Variants in SOX6 observed in about 807,000 individuals in gnomAD.
The protein encoded by SOX6 is SRY-box transcription factor 6.
SOX6 carries 11 observed loss-of-function variants against 97.8 expected under a neutral mutation model. That is an observed-to-expected ratio of 0.11 (90% CI 0.07 to 0.19). The LOEUF (loss-of-function observed/expected upper bound fraction) is 0.19, where lower values mean the gene tolerates loss of function less well. Ranked by LOEUF, SOX6 falls within the 10% of genes least tolerant of loss-of-function variation. The pLI, the probability that SOX6 is intolerant of heterozygous loss-of-function variation, is 1.00. For synonymous variants in SOX6, 360 were observed against 371.4 expected (o/e 0.97, Z 0.35); for missense variants, 810 against 1,039.5 (o/e 0.78, Z 3.04).
At chr11:16,282,008 C>T (rs911214017) in intron 3 of SOX6, among the ~76,000 whole-genome samples, 113 of 145,856 alleles carry the variant, frequency 7.7e-4, no homozygotes, top group African/African-American at 2.8e-3. Flanking sequence ...TATATATATA[C>T]ACACACACCC....
chr11:15,982,572 C>G (rs957859986), intron 15 of SOX6, among the ~76,000 whole-genome samples: 1 of 151,944 alleles, frequency 6.6e-6, no homozygotes, highest in Non-Finnish European at 1.5e-5. Flanking sequence ...CTACACACAT[C>G]CCCTATATAC....
chr11:16,052,221 T>A (rs1459129341), intron 10 of SOX6, among the ~76,000 whole-genome samples: 1 of 152,142 alleles, frequency 6.6e-6, no homozygotes, highest in African/African-American at 2.4e-5. Flanking sequence ...AACTCCCAAT[T>A]AAGTGAATCC....
intron 1 of SOX6, among the ~76,000 whole-genome samples, chr11:16,355,498 T>C (rs7951365): frequency 0.31 from 46,901 of 151,826 alleles, 7,748 homozygotes; most frequent in African/African-American, 0.38. Flanking sequence ...TAAATCTCAA[T>C]GTAATACCAG....
At position 16,171,831 on chromosome 11, in the gene SOX6, C is replaced by T. The variant is rs767564639; in HGVS notation, c.777+12055G>A. 9.9e-5 allele frequency among the ~76,000 whole-genome samples: 15 copies of T among 151,512 alleles called. 1 individual carries two copies. The highest frequency in any genetic ancestry group is 4.0e-4 in the Admixed American group (6 of 15,148). ...ACAAAATGGGAGGAAATCAGAAAAC[C>T]GTATTAAGCTCTACCACACATCAGA... On this transcript the variant is annotated intron_variant, in intron 6 of 15. Transcript: ENST00000683767.
chr11:16,165,025 A>G (rs973378254), intron 6 of SOX6, among the ~76,000 whole-genome samples: 1 of 152,164 alleles, frequency 6.6e-6, no homozygotes, highest in Non-Finnish European at 1.5e-5. Flanking sequence ...GATTACTAAA[A>G]TAACAAATAG....
chr11:16,468,946 G>T (rs1004530517), intron 1 of SOX6, among the ~76,000 whole-genome samples: 1 of 151,992 alleles, frequency 6.6e-6, no homozygotes, highest in East Asian at 1.9e-4. Flanking sequence ...GTTCCACCGC[G>T]CATGTTTCAA....
intron 1 of SOX6, among the ~76,000 whole-genome samples, chr11:16,423,159 A>G (rs1488736598): frequency 6.6e-6 from 1 of 151,642 alleles, no homozygotes; most frequent in Admixed American, 6.6e-5. Flanking sequence ...GACTCTCATC[A>G]CTCTATTGGT....
At chr11:16,583,366 G>A (rs956470568) in intron 4 of SOX6, among the ~76,000 whole-genome samples, 1 of 151,238 alleles carries the variant, frequency 6.6e-6, no homozygotes, top group Non-Finnish European at 1.5e-5. Flanking sequence ...CAGTGCTGTA[G>A]AACACTAGAA....
intron 1 of SOX6, chr11:16,434,065 A>C (rs1590201968): frequency 6.6e-6 from 1 of 152,146 alleles, no homozygotes; most frequent in Admixed American, 6.6e-5. Context: ...CAGGCACTAC[A>C]TCCAGGCAAT....
chr11:16,576,749 G>A (rs1307915140), intron 4 of SOX6: 1 of 152,086 alleles, frequency 6.6e-6, no homozygotes, highest in African/African-American at 2.4e-5. Context: ...CTATGTGAAA[G>A]GTCTTTATCC....
intron 1 of SOX6, among the ~76,000 whole-genome samples, chr11:16,454,110 C>T (rs1859769304): frequency 6.6e-6 from 1 of 152,010 alleles, no homozygotes. Context: ...TTTCAAATAA[C>T]ATTCTTCTAT....
At chr11:16,346,741 C>A (rs1476280033) in intron 1 of SOX6, among the ~76,000 whole-genome samples, 2 of 152,034 alleles carry the variant, frequency 1.3e-5, no homozygotes, top group African/African-American at 4.8e-5. Context: ...AGGACAGTAA[C>A]TATTAGAAGA....
At chr11:16,129,119 T>G (rs1480754478) in intron 6 of SOX6, among the ~76,000 whole-genome samples, 1 of 151,454 alleles carries the variant, frequency 6.6e-6, no homozygotes, top group African/African-American at 2.4e-5. Context: ...CTGCCCACCT[T>G]GGCCTCCCAA....
chr11:15,989,246 A>G lies in SOX6; in HGVS notation c.1733-16T>C, dbSNP rs970501199. ...GCTTTACTTCCTGTAATGTCAGGGC[A>G]GGAAGAACAAGATGAGTGGAAAGCG... On this transcript the variant is annotated splice_polypyrimidine_tract_variant and intron_variant, in intron 13 of 15. Transcript: ENST00000683767. 2 of 1,577,802 alleles carry G rather than the reference A, an allele frequency of 1.3e-6. No individual in the cohort carries two copies. Among genetic ancestry groups the G allele is most frequent in the Middle Eastern group, 1.7e-4 (1 of 5,878 alleles).
intron 2 of SOX6, among the ~76,000 whole-genome samples, chr11:16,719,968 A>G (rs1848247829): frequency 6.6e-6 from 1 of 152,238 alleles, no homozygotes; most frequent in Non-Finnish European, 1.5e-5. Flanking sequence ...ATGGAACATT[A>G]GTAAATTATA....
At position 16,340,954 on chromosome 11, in the gene SOX6, T is replaced by A. The variant is rs935587678; in HGVS notation, c.237+58A>T. On this transcript the variant is annotated intron_variant, in intron 2 of 15. Transcript: ENST00000683767. ...TCTATTTCCCTAAAATATCTATTTATAATGAGGACATTCTAAGGAATGCAT... is the reference window on the plus strand; with the variant it reads ...TCTATTTCCCTAAAATATCTATTTAAAATGAGGACATTCTAAGGAATGCAT... 7.5e-6 allele frequency: 12 copies of A among 1,609,302 alleles called. No individual in the cohort carries two copies. The Admixed American group carries it at 2.0e-4, about 27-fold the overall frequency.
At chr11:16,310,183 C>T (rs943967673) in intron 3 of SOX6, among the ~76,000 whole-genome samples, 2 of 151,916 alleles carry the variant, frequency 1.3e-5, no homozygotes, top group African/African-American at 4.8e-5. Flanking sequence ...ATATATTACC[C>T]AAACTGTAAA....
intron 3 of SOX6, among the ~76,000 whole-genome samples, chr11:16,632,865 C>G (rs1848731109): frequency 6.6e-6 from 1 of 152,214 alleles, no homozygotes; most frequent in South Asian, 2.1e-4. Context: ...GCTCAGGCTT[C>G]TGAACCAGGC....
chr11:16,671,535 G>C (rs1053302587), intron 3 of SOX6, among the ~76,000 whole-genome samples: 1 of 152,168 alleles, frequency 6.6e-6, no homozygotes, highest in Non-Finnish European at 1.5e-5. Flanking sequence ...AGACCAAACT[G>C]AGGAAAGAAT....
Sources: allele counts gnomAD v4.1 joint callset (sites outside exome capture counted in the v4.1 genomes callset), GRCh38; gene constraint gnomAD v4.1.1; transcripts MANE v1.5; gene names NCBI Gene and HGNC (gene_info 2026-07-23, HGNC 2026-07-21).